IGSF10: variants seen among roughly 807,000 people sequenced by gnomAD.
IGSF10 encodes immunoglobulin superfamily member 10, also known as calvaria mechanical force protein 608.
In IGSF10, 126 loss-of-function variants were observed where a neutral mutation model predicts 128.2. That is an observed-to-expected ratio of 0.98 (90% CI 0.85 to 1.14). The LOEUF (loss-of-function observed/expected upper bound fraction) is 1.14. Ranked by LOEUF, IGSF10 falls within the 50% of genes most tolerant of loss-of-function variation. The probability of loss-of-function intolerance (pLI) is 0.00; values close to 1 mark genes in which losing one functional copy is unlikely to be tolerated. For synonymous variants in IGSF10, 1,185 were observed against 1,146.2 expected, an observed-to-expected ratio of 1.03 and a Z score of -0.68; for missense variants, 3,295 against 3,149.8, an observed-to-expected ratio of 1.05 and a Z score of -1.10.
At position 151,436,832 on chromosome 3, in the gene IGSF10, T is replaced by C. The variant is rs1720304887; in HGVS notation, c.7729A>G (p.Arg2577Gly). The C allele has an allele frequency of 1.2e-6, 2 of 1,614,196 alleles. No individual in the cohort carries two copies. The highest frequency in any genetic ancestry group is 1.7e-6 in the Non-Finnish European group (2 of 1,180,028). The change falls in exon 8 of 8, where the codon AGG becomes GGG. Residue 2577 changes from arginine (R) to glycine (G), a missense_variant. Arg to Gly is a moderately radical substitution (Grantham distance 125, BLOSUM62 -2). Coordinates refer to ENST00000282466, the MANE Select transcript of IGSF10 (RefSeq NM_178822.5). ...HSLLSTASKE[R>G]THGSEQLHLQ... ...TGAAGCTGCTCACTTCCATGTGTCC[T>C]CTCTTTACTTGCCGTTGAGAGAAGG...
the IGSF10 span, among the ~76,000 whole-genome samples, chr3:151,539,389 T>C: frequency 6.6e-6 from 1 of 152,156 alleles, no homozygotes; most frequent in Non-Finnish European, 1.5e-5. Flanking sequence ...ATAGGCGAAT[T>C]CACTCCACCT....
chr3:151,561,057 T>G, the IGSF10 span, among the ~76,000 whole-genome samples: 2 of 152,196 alleles, frequency 1.3e-5, no homozygotes, highest in Non-Finnish European at 2.9e-5. Flanking sequence ...TATACATTCT[T>G]TGATAAAATC....
At chr3:151,582,300 G>GGGC in the IGSF10 span, among the ~76,000 whole-genome samples, 1 of 103,868 alleles carries the variant, frequency 9.6e-6, no homozygotes, top group African/African-American at 3.5e-5. Flanking sequence ...TCCGGGGGGG[G>GGGC]GGGCGGGAAG....
rs147872598 is a variant in IGSF10 at position 151,460,437 on chromosome 3, C to T, written c.-88-90G>A. 6 of 215,748 alleles carry T rather than the reference C, an allele frequency of 2.8e-5. No individual in the cohort carries two copies. The East Asian group carries it at 5.5e-4, about 20-fold the overall frequency. The allele number at this position is 215,748 out of a possible 1,614,324, so 13.4% of individuals were successfully genotyped here. On this transcript the variant is annotated intron_variant, in intron 1 of 7. Transcript: ENST00000282466. The stretch of plus-strand genomic sequence containing the variant: ...CAGGAGTAATGCTCTTCAGGGAGAC[C>T]TGGAGCCGCTTCCACAGCTTCAAAG...
the IGSF10 span, among the ~76,000 whole-genome samples, chr3:151,521,634 G>T: frequency 1.3e-5 from 2 of 151,808 alleles, no homozygotes; most frequent in Non-Finnish European, 2.9e-5. Context: ...AAATTCAAAA[G>T]CAGAAATTAA....
chr3:151,479,241 G>C, the IGSF10 span, among the ~76,000 whole-genome samples: 3 of 151,860 alleles, frequency 2.0e-5, no homozygotes, highest in Non-Finnish European at 4.4e-5. Context: ...TAATTAACAA[G>C]CTAGGACAGA....
At chr3:151,574,067 A>G in the IGSF10 span, among the ~76,000 whole-genome samples, 2 of 152,158 alleles carry the variant, frequency 1.3e-5, no homozygotes, top group Admixed American at 6.5e-5. Context: ...TGGCGTGTAG[A>G]GTTTCTGCTG....
In IGSF10 at chr3:151,458,634, C is replaced by T. The variant is rs199637739; in HGVS notation, c.76G>A (p.Gly26Ser). Residue 26 changes from glycine to serine, a missense_variant, in exon 3 of 8, where the codon GGC (glycine) becomes AGC (serine). By Grantham distance (56) the Gly-to-Ser change is moderately conservative. Transcript: ENST00000282466. ...GCACAGCGGCGAGGACAGGCCTTGC[C>T]CCCAGGGGTGGCGACCAGGCAGATC... is the stretch of plus-strand genomic sequence containing the variant. ...AVICLVATPG[G>S]KACPRRCACY... The T allele has an allele frequency of 6.3e-5, 102 of 1,614,028 alleles. No homozygotes were observed. Among genetic ancestry groups the T allele is most frequent in the Non-Finnish European group, 8.3e-5 (98 of 1,180,028 alleles).
At chr3:151,583,492 C>T in the IGSF10 span, among the ~76,000 whole-genome samples, 5 of 152,108 alleles carry the variant, frequency 3.3e-5, no homozygotes, top group Admixed American at 1.3e-4. Context: ...AACCAAACAC[C>T]GCATGTTCTC....
At chr3:151,529,014 G>C in the IGSF10 span, among the ~76,000 whole-genome samples, 1 of 152,002 alleles carries the variant, frequency 6.6e-6, no homozygotes, top group Non-Finnish European at 1.5e-5. Flanking sequence ...TGAGCTTGGT[G>C]GGGGAGGGGA....
upstream of IGSF10, among the ~76,000 whole-genome samples, chr3:151,462,812 T>C (rs569851665): frequency 4.9e-4 from 75 of 152,222 alleles, no homozygotes; most frequent in African/African-American, 1.6e-3. Flanking sequence ...TATATGAACA[T>C]GGTCTTTAGC....
Position 151,458,724 on chromosome 3 carries a change from A to G in IGSF10, c.-1-14T>C, listed in dbSNP as rs761098923. 4 of 1,608,246 alleles carry G rather than the reference A, an allele frequency of 2.5e-6. No homozygotes were observed. Among genetic ancestry groups the G allele is most frequent in the Non-Finnish European group, 3.4e-6 (4 of 1,176,606 alleles). On this transcript the variant is annotated splice_polypyrimidine_tract_variant and intron_variant, in intron 2 of 7. Transcript: ENST00000282466. ...TTTACCTTCATCCTGAAAAAACATC[A>G]TACCTCAGAGTTATAAAGAGTGGTG...
chr3:151,447,942 C>T lies in IGSF10; in HGVS notation c.2039G>A (p.Gly680Glu). 1 of 1,614,082 alleles carries T rather than the reference C, an allele frequency of 6.2e-7. No homozygotes were observed. Among genetic ancestry groups the T allele is most frequent in the South Asian group, 1.1e-5 (1 of 91,066 alleles). ...LEHDGETEGS[G>E]LDESNPIAHL... ...AGCAATAGGATTGGACTCATCAAGT[C>T]CAGATCCCTCTGTTTCTCCATCATG... The change falls in exon 6 of 8, where the codon GGA becomes GAA. Residue 680 changes from glycine to glutamate, a missense_variant. Physicochemically the swap from Gly to Glu is moderately conservative, Grantham distance 98. Coordinates refer to ENST00000282466, the MANE Select transcript of IGSF10 (RefSeq NM_178822.5).
the IGSF10 span, among the ~76,000 whole-genome samples, chr3:151,545,126 G>C: frequency 6.6e-6 from 1 of 152,044 alleles, no homozygotes; most frequent in East Asian, 1.9e-4. Context: ...GAGCATATTA[G>C]TTACATAATT....
intron 7 of IGSF10, among the ~76,000 whole-genome samples, chr3:151,439,375 G>T (rs966944112): frequency 6.6e-6 from 1 of 152,202 alleles, no homozygotes; most frequent in Non-Finnish European, 1.5e-5. Context: ...CATTTTGGGA[G>T]GCCAATGTGG....
chr3:151,597,754 T>A, the IGSF10 span, among the ~76,000 whole-genome samples: 1 of 151,918 alleles, frequency 6.6e-6, no homozygotes, highest in African/African-American at 2.4e-5. Flanking sequence ...TCGTCTCTAC[T>A]AAAAGTACAA....
chr3:151,539,035 G>A, the IGSF10 span, among the ~76,000 whole-genome samples: 2 of 152,186 alleles, frequency 1.3e-5, no homozygotes, highest in Non-Finnish European at 2.9e-5. Flanking sequence ...CACTGGAAGA[G>A]GAACAAAAAT....
the IGSF10 span, among the ~76,000 whole-genome samples, chr3:151,520,471 A>T: frequency 6.6e-6 from 1 of 151,818 alleles, no homozygotes; most frequent in African/African-American, 2.4e-5. Context: ...TCTGATTAAA[A>T]ACCATACTGT....
chr3:151,580,455 C>G, the IGSF10 span, among the ~76,000 whole-genome samples: 3 of 152,128 alleles, frequency 2.0e-5, no homozygotes, highest in African/African-American at 7.2e-5. Context: ...TCTAATCACT[C>G]TAGAAGATAA....
Sources: gnomAD v4.1 joint callset for allele counts (sites outside exome capture counted in the v4.1 genomes callset) on GRCh38, gnomAD v4.1.1 for gene constraint, MANE v1.5 for transcripts, NCBI Gene and HGNC (gene_info 2026-07-23, HGNC 2026-07-21) for gene names.